ODF2L: variants seen among roughly 807,000 people sequenced by gnomAD.
ODF2L encodes the protein outer dense fiber of sperm tails 2 like, also known as protein BCAP.
Under a neutral mutation model 86.3 loss-of-function variants are expected in ODF2L, and 76 were observed. That is an observed-to-expected ratio of 0.88 (90% CI 0.73 to 1.07). The LOEUF (loss-of-function observed/expected upper bound fraction) is 1.07, where lower values mean the gene tolerates loss of function less well. Ranked by LOEUF, ODF2L falls within the 50% of genes least tolerant of loss-of-function variation. The probability of loss-of-function intolerance (pLI) is 0.00; values close to 1 mark genes in which losing one functional copy is unlikely to be tolerated. For synonymous variants in ODF2L, 241 were observed against 231.3 expected, an observed-to-expected ratio of 1.04 and a Z score of -0.38; for missense variants, 748 against 717.4, an observed-to-expected ratio of 1.04 and a Z score of -0.49.
At chr1:86,359,557 CTGT>C (rs3028448) in intron 12 of ODF2L, among the ~76,000 whole-genome samples, 51,129 of 135,468 alleles carry the variant, frequency 0.38, 9,595 homozygotes, top group African/African-American at 0.49. Flanking sequence ...GAGTCTTGCT[CTGT>C]TGCCCAGGCT....
intron 7 of ODF2L, among the ~76,000 whole-genome samples, chr1:86,378,695 T>C (rs1001820475): frequency 6.6e-6 from 1 of 151,984 alleles, no homozygotes; most frequent in Non-Finnish European, 1.5e-5. Context: ...GGGAAGCCCC[T>C]TATAAAACCA....
chr1:86,383,864 G>C (rs1175768420), intron 4 of ODF2L, among the ~76,000 whole-genome samples: 1 of 151,664 alleles, frequency 6.6e-6, no homozygotes, highest in Admixed American at 6.6e-5. Flanking sequence ...AGAAAATATT[G>C]ATGATACAGT....
chr1:86,369,657 AAT>A (rs1659661977), intron 10 of ODF2L, among the ~76,000 whole-genome samples: 1 of 152,208 alleles, frequency 6.6e-6, no homozygotes. Context: ...TGCCTTCTGT[AAT>A]ATATAATACA....
At chr1:86,383,548 T>G (rs942616806) in intron 4 of ODF2L, among the ~76,000 whole-genome samples, 2 of 151,762 alleles carry the variant, frequency 1.3e-5, no homozygotes, top group African/African-American at 4.8e-5. Context: ...ATCAACAATC[T>G]AAATTCTAGC....
intron 11 of ODF2L, among the ~76,000 whole-genome samples, chr1:86,362,643 A>G (rs1272142632): frequency 2.6e-5 from 4 of 151,948 alleles, no homozygotes; most frequent in South Asian, 4.2e-4. Flanking sequence ...TGGAATCACT[A>G]TGAGGGCTCT....
At chr1:86,381,506 C>G (rs574577193) in intron 7 of ODF2L, among the ~76,000 whole-genome samples, 4 of 151,978 alleles carry the variant, frequency 2.6e-5, no homozygotes, top group Admixed American at 2.6e-4. Context: ...TGCTATAATT[C>G]AGGAGTGCAA....
intron 13 of ODF2L, chr1:86,358,179 C>T (rs1658739468): frequency 7.6e-6 from 5 of 657,380 alleles, no homozygotes; most frequent in African/African-American, 1.9e-5. Context: ...ATCGCATGAC[C>T]TCTGCTGCCA....
intron 10 of ODF2L, among the ~76,000 whole-genome samples, chr1:86,369,033 T>G (rs1430864770): frequency 1.3e-5 from 2 of 152,140 alleles, no homozygotes; most frequent in Non-Finnish European, 2.9e-5. Context: ...GATCACTCAG[T>G]TCTTTTCTTT....
At chr1:86,371,228 C>A in intron 9 of ODF2L, 75 bp from the exon 10 acceptor site, 2 of 749,088 alleles carry the variant, frequency 2.7e-6, no homozygotes, top group South Asian at 2.8e-5. Flanking sequence ...AAGTGTGTTT[C>A]TGAAATCACT....
At chr1:86,362,404 C>T (rs925063187) in intron 11 of ODF2L, among the ~76,000 whole-genome samples, 6 of 151,940 alleles carry the variant, frequency 3.9e-5, no homozygotes, top group Admixed American at 3.9e-4. Flanking sequence ...AGCGATCCTC[C>T]CACCTCAGCC....
intron 11 of ODF2L, among the ~76,000 whole-genome samples, chr1:86,366,531 G>A (rs964574086): frequency 3.3e-5 from 5 of 151,426 alleles, no homozygotes; most frequent in African/African-American, 1.2e-4. Flanking sequence ...GCTTGAGCCT[G>A]GGAGGTCAAG....
intron 9 of ODF2L, 60 bp downstream of exon 9, chr1:86,372,367 CAAAG>C: frequency 1.3e-6 from 1 of 745,790 alleles, no homozygotes; most frequent in Non-Finnish European, 2.0e-6. Flanking sequence ...ACAAACAACT[CAAAG>C]AATTTTTTAA....
intron 6 of ODF2L, 141 bp downstream of exon 6, chr1:86,382,790 A>T: frequency 1.6e-6 from 1 of 616,950 alleles, no homozygotes; most frequent in East Asian, 2.9e-5. Flanking sequence ...TGATAGGTAA[A>T]ACCTGTAAAA....
At chr1:86,383,064 A>G in intron 5 of ODF2L, 62 bp from the exon 6 acceptor site, 1 of 1,302,356 alleles carries the variant, frequency 7.7e-7, no homozygotes, top group Non-Finnish European at 1.1e-6. Context: ...GGCTAACTTT[A>G]TAAAACCAAG....
At chr1:86,359,514 T>TC (rs1658864500) in intron 12 of ODF2L, among the ~76,000 whole-genome samples, 1 of 142,912 alleles carries the variant, frequency 7.0e-6, no homozygotes, top group South Asian at 2.3e-4. Flanking sequence ...CATCCTTAGT[T>TC]CATTCTTTTT....
At position 86,376,426 on chromosome 1, in the gene ODF2L, A is replaced by C. The variant is rs1311807842; in HGVS notation, c.625-8T>G. On this transcript the variant is annotated splice_polypyrimidine_tract_variant and splice_region_variant and intron_variant, in intron 7 of 17. Coordinates refer to ENST00000317336, the Ensembl canonical transcript of ODF2L. ...TATCTTGGTTTCTAAGCTCTAAAAAAAAAATTAGCAACAATTAAATTATTT... is the reference window on the plus strand; with the variant it reads ...TATCTTGGTTTCTAAGCTCTAAAAACAAAATTAGCAACAATTAAATTATTT... 3.9e-6 allele frequency: 6 copies of C among 1,544,896 alleles called. No individual in the cohort carries two copies. In the South Asian group the frequency reaches 7.2e-5, roughly 18 times the overall value.
intron 11 of ODF2L, among the ~76,000 whole-genome samples, chr1:86,363,678 T>A (rs1260292495): frequency 3.9e-5 from 6 of 152,012 alleles, no homozygotes; most frequent in Admixed American, 1.3e-4. Flanking sequence ...ATATTACATA[T>A]AAAATAAAAA....
Position 86,360,476 on chromosome 1 carries a change from G to A in ODF2L, c.1204C>T (p.Gln402Ter). ...GTTTTCTGTTTTTTTTCTACTTCTTGCAATTCTGAGAGTTCATTTTCAACA... is the reference window on the plus strand; with the variant it reads ...GTTTTCTGTTTTTTTTCTACTTCTTACAATTCTGAGAGTTCATTTTCAACA... Residue 402 changes from glutamine to a stop codon, truncating the protein, a stop_gained, in exon 12 of 18, where the codon CAA (glutamine) becomes TAA (stop). Coordinates refer to ENST00000317336, the Ensembl canonical transcript of ODF2L. LOFTEE classifies it high-confidence loss of function. 1 of 1,601,222 alleles carries A rather than the reference G, an allele frequency of 6.2e-7. No homozygotes were observed. The highest frequency in any genetic ancestry group is 1.7e-5 in the Admixed American group (1 of 59,214).
intron 16 of ODF2L, 50 bp from the exon 16 acceptor site, chr1:86,353,034 A>C (rs1219925377): frequency 1.7e-6 from 2 of 1,191,506 alleles, no homozygotes; most frequent in African/African-American, 3.1e-5. Flanking sequence ...TTAAAATATG[A>C]TTTAAAGCCT....
Sources: allele counts gnomAD v4.1 joint callset (sites outside exome capture counted in the v4.1 genomes callset), GRCh38; gene constraint gnomAD v4.1.1; transcripts MANE v1.5; gene names NCBI Gene and HGNC (gene_info 2026-07-23, HGNC 2026-07-21).